Variants in CCDC178 observed in about 807,000 individuals in gnomAD.
CCDC178 encodes the protein coiled-coil domain-containing protein 178.
CCDC178 carries 126 observed loss-of-function variants against 117.4 expected under a neutral mutation model. That is an observed-to-expected ratio of 1.07 (90% CI 0.93 to 1.24). The LOEUF (loss-of-function observed/expected upper bound fraction) is 1.24, where lower values mean the gene tolerates loss of function less well. Among genes scored for constraint, CCDC178 ranks in the 50% most tolerant of loss-of-function variants. The probability of loss-of-function intolerance (pLI) is 0.00; values close to 1 mark genes in which losing one functional copy is unlikely to be tolerated. For synonymous variants in CCDC178, 283 were observed against 313.4 expected, an observed-to-expected ratio of 0.90 and a Z score of 1.02; for missense variants, 1,030 against 986.9, an observed-to-expected ratio of 1.04 and a Z score of -0.59.
At position 33,258,421 on chromosome 18, in the gene CCDC178, G is replaced by A. The variant is rs141020552; in HGVS notation, c.1409+8495C>T. Reference sequence around the variant, plus strand: ...TGCTTGACTGACATGTCTTCATTCCGGTCTCAATTCCAATGTTAGTTTCTC... The same window carrying A: ...TGCTTGACTGACATGTCTTCATTCCAGTCTCAATTCCAATGTTAGTTTCTC... On this transcript the variant is annotated intron_variant, in intron 14 of 22. Transcript: ENST00000383096. Among the ~76,000 whole-genome samples, 20 of 152,090 alleles carry A rather than the reference G, an allele frequency of 1.3e-4. No individual in the cohort carries two copies. In the East Asian group the frequency reaches 2.1e-3, roughly 16 times the overall value.
intron 21 of CCDC178, among the ~76,000 whole-genome samples, chr18:33,020,041 G>C (rs1461738389): frequency 1.3e-5 from 2 of 150,262 alleles, no homozygotes; most frequent in Admixed American, 1.3e-4. Context: ...TGCCTCCCGT[G>C]TTCAAGTGAT....
chr18:33,013,427 C>T (rs906894355), intron 21 of CCDC178, among the ~76,000 whole-genome samples: 1 of 152,038 alleles, frequency 6.6e-6, no homozygotes, highest in Non-Finnish European at 1.5e-5. Context: ...AATAAAAGTT[C>T]ATCAGTATTT....
intron 22 of CCDC178, among the ~76,000 whole-genome samples, chr18:32,959,520 G>A (rs967239906): frequency 6.6e-6 from 1 of 151,994 alleles, no homozygotes; most frequent in African/African-American, 2.4e-5. Flanking sequence ...TATGGTCTAT[G>A]ATAGACTTGG....
At chr18:33,424,902 T>A (rs1251136233) in intron 2 of CCDC178, among the ~76,000 whole-genome samples, 1 of 152,068 alleles carries the variant, frequency 6.6e-6, no homozygotes, top group Non-Finnish European at 1.5e-5. Flanking sequence ...ATCCACTCAC[T>A]CCCCTCGAAC....
intron 20 of CCDC178, among the ~76,000 whole-genome samples, chr18:33,094,412 G>T (rs1371618573): frequency 2.0e-5 from 3 of 151,910 alleles, no homozygotes; most frequent in Admixed American, 2.0e-4. Context: ...ATCCTGAAGT[G>T]ATTAACTTGT....
At chr18:32,958,200 C>CT (rs1456550559) in intron 22 of CCDC178, 5 of 582,492 alleles carry the variant, frequency 8.6e-6, no homozygotes, top group Non-Finnish European at 1.6e-5. Flanking sequence ...CAATTTTATT[C>CT]TTTTTCCAAA....
At chr18:33,188,942 T>C (rs914939200) in intron 20 of CCDC178, among the ~76,000 whole-genome samples, 1 of 152,150 alleles carries the variant, frequency 6.6e-6, no homozygotes, top group African/African-American at 2.4e-5. Context: ...AATCGTCTGA[T>C]TGAACTTGAA....
At chr18:33,064,526 C>G (rs2056978905) in intron 21 of CCDC178, among the ~76,000 whole-genome samples, 1 of 152,164 alleles carries the variant, frequency 6.6e-6, no homozygotes, top group Admixed American at 6.5e-5. Flanking sequence ...GAGATATCCC[C>G]TCATTCCAGT....
At chr18:33,126,334 T>C (rs1241124011) in intron 20 of CCDC178, among the ~76,000 whole-genome samples, 1 of 149,448 alleles carries the variant, frequency 6.7e-6, no homozygotes, top group Non-Finnish European at 1.5e-5. Context: ...TTTGTGTATA[T>C]GTGTATATAT....
chr18:33,083,334 G>C (rs2057326401), intron 21 of CCDC178, among the ~76,000 whole-genome samples: 1 of 152,118 alleles, frequency 6.6e-6, no homozygotes, highest in South Asian at 2.1e-4. Context: ...GCATATTTTG[G>C]TAATGTTCCT....
chr18:33,348,243 A>T (rs2062923123), intron 8 of CCDC178, among the ~76,000 whole-genome samples: 1 of 151,858 alleles, frequency 6.6e-6, no homozygotes, highest in Non-Finnish European at 1.5e-5. Flanking sequence ...CTTAGTTTTC[A>T]CTCAAGGATT....
At chr18:32,958,106 G>C in intron 22 of CCDC178, 1 of 426,398 alleles carries the variant, frequency 2.3e-6, no homozygotes, top group Non-Finnish European at 4.3e-6. Flanking sequence ...AATTATTGAT[G>C]CTACACACTA....
In CCDC178 at chr18:33,245,281, C is replaced by T; in HGVS notation, c.1557G>A (p.Met519Ile). 6.3e-7 allele frequency: 1 copy of T among 1,595,580 alleles called. No individual in the cohort carries two copies. The highest frequency in any genetic ancestry group is 8.5e-7 in the Non-Finnish European group (1 of 1,172,208). The stretch of plus-strand genomic sequence containing the variant: ...TTCTCACTTCTGCTATTTTATCTTC[C>T]ATTTCATCTGTCTTGTGTTTGGTTA... ...FHLTKHKTDE[M>I]EDKIAEVRRK... The change falls in exon 15 of 23, where the codon ATG (methionine) becomes ATA (isoleucine). Residue 519 changes from methionine to isoleucine, a missense_variant. Physicochemically the swap from Met to Ile is conservative, Grantham distance 10. Coordinates refer to ENST00000383096, the MANE Select transcript of CCDC178 (RefSeq NM_001105528.4).
At chr18:33,038,468 A>AT (rs1177709552) in intron 21 of CCDC178, among the ~76,000 whole-genome samples, 1 of 151,802 alleles carries the variant, frequency 6.6e-6, no homozygotes, top group Non-Finnish European at 1.5e-5. Flanking sequence ...ATATACTTGT[A>AT]TTTTTTTAGG....
At chr18:33,322,260 G>A (rs1013856377) in intron 11 of CCDC178, among the ~76,000 whole-genome samples, 8 of 151,702 alleles carry the variant, frequency 5.3e-5, no homozygotes, top group Middle Eastern at 3.2e-3. Context: ...ACATCACCTC[G>A]GGGTATTTTA....
intron 21 of CCDC178, among the ~76,000 whole-genome samples, chr18:33,007,610 G>T (rs2055777788): frequency 6.6e-6 from 1 of 151,930 alleles, no homozygotes; most frequent in Admixed American, 6.6e-5. Flanking sequence ...AAATTATATT[G>T]GTCCTCATAT....
intron 4 of CCDC178, among the ~76,000 whole-genome samples, chr18:33,390,518 C>T (rs1599259883): frequency 6.6e-6 from 1 of 152,058 alleles, no homozygotes; most frequent in East Asian, 1.9e-4. Flanking sequence ...GAATGAGCTG[C>T]AAATACATGG....
intron 21 of CCDC178, among the ~76,000 whole-genome samples, chr18:33,020,938 A>C (rs2056104274): frequency 6.6e-6 from 1 of 152,212 alleles, no homozygotes; most frequent in South Asian, 2.1e-4. Flanking sequence ...TCACATGAAG[A>C]AATGAGAGTT....
At chr18:33,381,354 G>C (rs1346242290) in intron 5 of CCDC178, among the ~76,000 whole-genome samples, 2 of 152,092 alleles carry the variant, frequency 1.3e-5, no homozygotes, top group Non-Finnish European at 2.9e-5. Context: ...TGTAAGCAAA[G>C]AATTTAGTCA....
Sources: gnomAD v4.1 joint callset for allele counts (sites outside exome capture counted in the v4.1 genomes callset) on GRCh38, gnomAD v4.1.1 for gene constraint, MANE v1.5 for transcripts, NCBI Gene and HGNC (gene_info 2026-07-23, HGNC 2026-07-21) for gene names.